Variants in NTN1 observed in about 807,000 individuals in gnomAD.
NTN1 encodes the protein netrin-1.
Under a neutral mutation model 54.2 loss-of-function variants are expected in NTN1, and 11 were observed. That is an observed-to-expected ratio of 0.20 (90% CI 0.13 to 0.34). The LOEUF (loss-of-function observed/expected upper bound fraction) is 0.34, where lower values mean the gene tolerates loss of function less well. NTN1 is among the 10% of genes least tolerant of loss of function. NTN1 has a pLI of 1.00. For synonymous variants in NTN1, 371 were observed against 382.0 expected (o/e 0.97, Z 0.33); for missense variants, 740 against 893.1 (o/e 0.83, Z 2.18).
At chr17:9,170,051 G>A (rs1324617933) in intron 3 of NTN1, among the ~76,000 whole-genome samples, 1 of 152,170 alleles carries the variant, frequency 6.6e-6, no homozygotes, top group African/African-American at 2.4e-5. Context: ...GAGCACTTAT[G>A]GGGCCGGGGG....
At chr17:9,019,683 T>C (rs932003268), upstream of NTN1, among the ~76,000 whole-genome samples, 1 of 152,220 alleles carries the variant, frequency 6.6e-6, no homozygotes, top group Non-Finnish European at 1.5e-5. Context: ...CTTTCCATAG[T>C]CACACAGCAG....
chr17:9,163,521 C>T (rs1276657816), intron 3 of NTN1, among the ~76,000 whole-genome samples: 4 of 121,702 alleles, frequency 3.3e-5, no homozygotes, highest in Non-Finnish European at 7.1e-5. Flanking sequence ...CACACACACA[C>T]GTACAGTCAC....
chr17:9,196,744 G>T (rs1417246481), intron 5 of NTN1, among the ~76,000 whole-genome samples: 4 of 152,198 alleles, frequency 2.6e-5, no homozygotes, highest in Non-Finnish European at 5.9e-5. Context: ...GCACAGTTTT[G>T]TGGTCTCTGC....
chr17:9,221,147 T>TCTCC lies in NTN1; in HGVS notation c.1412-20_1412-19insTCCC. The TCTCC allele has an allele frequency of 3.1e-6, 4 of 1,303,814 alleles. No homozygotes were observed. The highest frequency in any genetic ancestry group is 2.1e-5 in the Admixed American group (1 of 47,744). The allele number at this position is 1,303,814 out of a possible 1,614,324, so 80.8% of individuals were successfully genotyped here. A position where few individuals can be genotyped will look rare whatever the true frequency, so the allele number is the denominator to read the frequency against. On this transcript the variant is annotated intron_variant, in intron 5 of 6. Transcript: ENST00000173229. This position sits in a 1 kb window ranked among gnomAD's most constrained non-coding sequence, Gnocchi z 4.5. Reference sequence around the variant, plus strand: ...CAGCCTAATTAGTTTTTGTCTGTGCTCCCCCCCCACCCCCCTGCAGACTGC... The same window carrying TCTCC: ...CAGCCTAATTAGTTTTTGTCTGTGCTCTCCCCCCCCCCACCCCCCTGCAGACTGC...
intron 2 of NTN1, among the ~76,000 whole-genome samples, chr17:9,119,179 A>T (rs4791792): frequency 0.64 from 96,881 of 151,946 alleles, 31,315 homozygotes; most frequent in East Asian, 0.83. Context: ...AAAATGTATT[A>T]TTTATTTATT....
upstream of NTN1, among the ~76,000 whole-genome samples, chr17:9,020,319 G>C (rs1341202053): frequency 2.0e-5 from 3 of 152,220 alleles, no homozygotes; most frequent in Non-Finnish European, 2.9e-5. Flanking sequence ...CAAACTCTCG[G>C]CCCAGTGTAT....
rs1487397619 is a variant in NTN1 at position 9,243,753 on chromosome 17, TGTTTA to T, written c.*3789_*3793del. On this transcript the variant is annotated 3_prime_UTR_variant, in exon 7 of 7. Coordinates refer to ENST00000173229, the MANE Select transcript of NTN1 (RefSeq NM_004822.3). ...ATTTCTGTTCACTCAGAATTGTAAATGTTTAGTTGTGACCATGACGTATTGTTTGG... is the reference window on the plus strand; with the variant it reads ...ATTTCTGTTCACTCAGAATTGTAAATGTTGTGACCATGACGTATTGTTTGG... The T allele has an allele frequency of 1.3e-5, 2 of 152,098 alleles. No individual in the cohort carries two copies. Among genetic ancestry groups the T allele is most frequent in the African/African-American group, 4.8e-5 (2 of 41,434 alleles). 9.4% of individuals were successfully genotyped at this position (152,098 alleles called of 1,614,324 possible).
chr17:9,106,467 C>CCCTTCCTTCCTTCCTTCCTT (rs200226901), intron 2 of NTN1, among the ~76,000 whole-genome samples: 47 of 120,124 alleles, frequency 3.9e-4, no homozygotes, highest in Non-Finnish European at 6.0e-4. Flanking sequence ...CTTCCTTCCT[C>CCCTTCCTTCCTTCCTTCCTT]CCTTCCTTCC....
intron 2 of NTN1, among the ~76,000 whole-genome samples, chr17:9,103,805 G>C (rs945023677): frequency 3.3e-5 from 5 of 152,030 alleles, no homozygotes; most frequent in Non-Finnish European, 7.4e-5. Context: ...CAAGTACTAG[G>C]CTGGGTGCTG....
At chr17:9,237,732 G>T (rs1906037256) in intron 6 of NTN1, among the ~76,000 whole-genome samples, 1 of 152,164 alleles carries the variant, frequency 6.6e-6, no homozygotes, top group Non-Finnish European at 1.5e-5. Context: ...GGGGCTCTCA[G>T]GGATGCTGGG....
chr17:9,222,227 T>A (rs2142357739), intron 6 of NTN1, among the ~76,000 whole-genome samples: 1 of 152,298 alleles, frequency 6.6e-6, no homozygotes, highest in Non-Finnish European at 1.5e-5. Flanking sequence ...TCTGCCCACC[T>A]CCCTCCGTCC....
chr17:9,145,716 A>T (rs1260257447), intron 2 of NTN1, among the ~76,000 whole-genome samples: 1 of 152,180 alleles, frequency 6.6e-6, no homozygotes, highest in East Asian at 1.9e-4. Flanking sequence ...CAGGAGTTTG[A>T]GACCAGCGTG....
At chr17:9,104,048 CA>C (rs2142244660) in intron 2 of NTN1, among the ~76,000 whole-genome samples, 1 of 133,814 alleles carries the variant, frequency 7.5e-6, no homozygotes, top group East Asian at 2.2e-4. Context: ...AAGATGGTGC[CA>C]CTGTACTCCA....
chr17:9,042,644 G>T (rs1247937019), intron 2 of NTN1, among the ~76,000 whole-genome samples: 5 of 152,092 alleles, frequency 3.3e-5, no homozygotes, highest in Admixed American at 2.6e-4. Flanking sequence ...AAAATTAGCT[G>T]GGTGTGGTGG....
chr17:9,148,359 C>T (rs1438097208), intron 2 of NTN1, among the ~76,000 whole-genome samples: 1 of 152,198 alleles, frequency 6.6e-6, no homozygotes, highest in South Asian at 2.1e-4. Flanking sequence ...GGACTCTTCT[C>T]TCCTAGACCT....
intron 2 of NTN1, among the ~76,000 whole-genome samples, chr17:9,140,907 T>C (rs550619416): frequency 1.1e-4 from 16 of 152,046 alleles, no homozygotes; most frequent in African/African-American, 3.4e-4. Flanking sequence ...GGGAGAGAAT[T>C]AAAAGTAAGA....
intron 2 of NTN1, among the ~76,000 whole-genome samples, chr17:9,090,068 G>A (rs928320460): frequency 2.6e-5 from 4 of 152,120 alleles, no homozygotes; most frequent in South Asian, 2.1e-4. Context: ...TGGAGGACGG[G>A]CTGTGGGTAT....
chr17:9,106,750 G>C (rs1206451922), intron 2 of NTN1, among the ~76,000 whole-genome samples: 1 of 152,088 alleles, frequency 6.6e-6, no homozygotes, highest in African/African-American at 2.4e-5. Context: ...CCTGACCTCA[G>C]GTGATCCACC....
intron 2 of NTN1, among the ~76,000 whole-genome samples, chr17:9,031,028 TA>T (rs1210765398): frequency 6.6e-6 from 1 of 152,188 alleles, no homozygotes; most frequent in Non-Finnish European, 1.5e-5. Flanking sequence ...TGGCTGGTGC[TA>T]TTGCTAGATT....
Sources: gnomAD v4.1 joint callset for allele counts (sites outside exome capture counted in the v4.1 genomes callset) on GRCh38, gnomAD v4.1.1 for gene constraint, Gnocchi (gnomAD v3.1) non-coding constraint, MANE v1.5 for transcripts, NCBI Gene and HGNC (gene_info 2026-07-23, HGNC 2026-07-21) for gene names.